Variants in P4HTM observed in about 807,000 individuals in gnomAD.
P4HTM encodes prolyl 4-hydroxylase, transmembrane.
In P4HTM, 33 loss-of-function variants were observed where a neutral mutation model predicts 55.3. The observed-to-expected ratio is 0.60, with a 90% CI of 0.45 to 0.80. The LOEUF (loss-of-function observed/expected upper bound fraction) is 0.80, where lower values mean the gene tolerates loss of function less well. Among genes scored for constraint, P4HTM ranks in the 30% least tolerant of loss-of-function variants. P4HTM has a pLI of 0.00. For missense variants in P4HTM, 542 were observed against 696.5 expected (o/e 0.78, Z 2.50); for synonymous variants, 272 against 286.4 (o/e 0.95, Z 0.51).
chr3:48,998,191 C>T (rs1337426286), intron 2 of P4HTM: 2 of 152,266 alleles, frequency 1.3e-5, no homozygotes, highest in African/African-American at 4.8e-5. Flanking sequence ...CATGGGCGGT[C>T]CAGGCGGGAG....
In P4HTM at chr3:49,006,188, G is replaced by A; in HGVS notation, c.1288+1G>A. The A allele has an allele frequency of 6.2e-7, 1 of 1,611,622 alleles. No homozygotes were observed. The highest frequency in any genetic ancestry group is 8.5e-7 in the Non-Finnish European group (1 of 1,179,128). ...TACAACTACCTGCCTGATGGGCAAG[G>A]TGAGGGCCTATGGCCAGGCCTGGGG... On this transcript the variant is annotated splice_donor_variant, in intron 8 of 8. Coordinates refer to ENST00000383729, the MANE Select transcript of P4HTM (RefSeq NM_177939.3). LOFTEE classifies it high-confidence loss of function.
intron 2 of P4HTM, 122 bp from the exon 3 acceptor site, chr3:49,001,316 C>A: frequency 1.2e-6 from 1 of 836,780 alleles, no homozygotes; most frequent in Non-Finnish European, 2.0e-6. Context: ...AATCCTCCAT[C>A]CTCCAGACCT....
At position 49,002,737 on chromosome 3, in the gene P4HTM, G is replaced by A. The variant is rs1403484173; in HGVS notation, c.724+141G>A. 3 of 734,276 alleles carry A rather than the reference G, an allele frequency of 4.1e-6. No individual in the cohort carries two copies. Among genetic ancestry groups the A allele is most frequent in the East Asian group, 2.7e-5 (1 of 37,712 alleles). 45.5% of individuals were successfully genotyped at this position (734,276 alleles called of 1,614,324 possible). ...TTATAGTGGCCAGAGATGGGGAGGT[G>A]AAGATCCAGCCTTGCTTTTTACCCC... is the stretch of plus-strand genomic sequence containing the variant. On this transcript the variant is annotated intron_variant, in intron 4 of 8. Transcript: ENST00000383729. This position sits in a 1 kb window ranked among gnomAD's most constrained non-coding sequence, Gnocchi z 4.4.
chr3:48,993,558 T>C (rs1250108393), intron 2 of P4HTM, among the ~76,000 whole-genome samples: 1 of 151,560 alleles, frequency 6.6e-6, no homozygotes, highest in African/African-American at 2.4e-5. Flanking sequence ...AATAAACAGC[T>C]TGTCCTATAA....
intron 4 of P4HTM, 102 bp from the exon 5 acceptor site, chr3:49,003,996 C>G: frequency 8.4e-7 from 1 of 1,187,488 alleles, no homozygotes; most frequent in Non-Finnish European, 1.2e-6. Context: ...TGCCTGAGGT[C>G]AGGGGCTGCT....
rs7624225 is a variant in P4HTM, at chr3:49,006,108, C to T, written c.1209C>T (p.His403=). 1 of 1,613,090 alleles carries T rather than the reference C, an allele frequency of 6.2e-7. No homozygotes were observed. The change falls in exon 8 of 9, where the codon CAC becomes CAT. Residue 403 remains histidine, a synonymous_variant. Transcript: ENST00000383729. ...DDVDLRDTRR[H]CDKGNLRVKP... ...TGGACCTCCGTGACACACGGAGGCA[C>T]TGTGACAAGGGAAACCTGCGTGTCA...
chr3:48,990,117 C>T (rs1486175653), upstream of P4HTM: 2 of 806,474 alleles, frequency 2.5e-6, no homozygotes, highest in East Asian at 9.1e-5. The surrounding 1 kb of genome is among the most constrained non-coding windows in gnomAD (Gnocchi z 7.2). Context: ...ACGCAGGCGG[C>T]TCCGGGCGGG....
intron 2 of P4HTM, chr3:48,997,778 G>A (rs6446205): frequency 0.67 from 101,977 of 152,166 alleles, 34,736 homozygotes; most frequent in East Asian, 0.96. Context: ...CATAGCATTT[G>A]GATATTCCCT....
rs772122473 is a variant in P4HTM at position 49,006,196 on chromosome 3, C to T, written c.1288+9C>T. The T allele has an allele frequency of 3.8e-5, 61 of 1,609,290 alleles. No homozygotes were observed. The highest frequency in any genetic ancestry group is 5.3e-5 in the African/African-American group (4 of 74,884). On this transcript the variant is annotated intron_variant, in intron 8 of 8. Coordinates refer to ENST00000383729, the MANE Select transcript of P4HTM (RefSeq NM_177939.3). ...CCTGCCTGATGGGCAAGGTGAGGGC[C>T]TATGGCCAGGCCTGGGGGGGGTGCC... is the stretch of plus-strand genomic sequence containing the variant.
intron 2 of P4HTM, among the ~76,000 whole-genome samples, chr3:48,992,663 T>TTTTTTC (rs1491168715): frequency 2.0e-4 from 1 of 4,900 alleles, no homozygotes; most frequent in African/African-American, 6.6e-3. Context: ...ATTAGAACTC[T>TTTTTTC]TTTTTTTTTT....
intron 2 of P4HTM, among the ~76,000 whole-genome samples, chr3:48,994,760 A>G (rs2092940583): frequency 6.6e-6 from 1 of 151,998 alleles, no homozygotes; most frequent in Admixed American, 6.6e-5. Context: ...GTCATAGCAG[A>G]TCAGATCTCA....
In P4HTM at chr3:49,002,604, C is replaced by T; in HGVS notation, c.724+8C>T. ...CTGACCCTGATGGTGACGGTGAGCTCACACCTCTGCACAGTCCTATCCCCG... is the reference window on the plus strand; with the variant it reads ...CTGACCCTGATGGTGACGGTGAGCTTACACCTCTGCACAGTCCTATCCCCG... On this transcript the variant is annotated splice_region_variant and intron_variant, in intron 4 of 8. Transcript: ENST00000383729. This position sits in a 1 kb window ranked among gnomAD's most constrained non-coding sequence, Gnocchi z 4.4. The T allele has an allele frequency of 6.3e-7, 1 of 1,593,608 alleles. No individual in the cohort carries two copies. Among genetic ancestry groups the T allele is most frequent in the Non-Finnish European group, 8.6e-7 (1 of 1,161,298 alleles).
chr3:48,997,195 G>A (rs1041825948), intron 2 of P4HTM: 1 of 152,240 alleles, frequency 6.6e-6, no homozygotes, highest in Non-Finnish European at 1.5e-5. Flanking sequence ...AAAGTCCCAG[G>A]CTCTCCCTGG....
intron 2 of P4HTM, among the ~76,000 whole-genome samples, chr3:49,000,409 G>C (rs1040037792): frequency 1.3e-5 from 2 of 152,122 alleles, no homozygotes; most frequent in African/African-American, 4.8e-5. Context: ...AATAAAAAAA[G>C]CTCCAACCCT....
At chr3:48,992,792 A>G (rs2092934602) in intron 2 of P4HTM, among the ~76,000 whole-genome samples, 1 of 150,124 alleles carries the variant, frequency 6.7e-6, no homozygotes, top group South Asian at 2.1e-4. Context: ...CAGCCTCCCA[A>G]GTAGCTGGGA....
At chr3:48,993,923 T>C (rs1337372980) in intron 2 of P4HTM, among the ~76,000 whole-genome samples, 1 of 142,700 alleles carries the variant, frequency 7.0e-6, no homozygotes, top group African/African-American at 2.6e-5. Context: ...CAAGGGCAAA[T>C]TATGAAAAGC....
Position 49,005,027 on chromosome 3 carries a change from C to T in P4HTM, c.1054C>T (p.Pro352Ser), listed in dbSNP as rs1178126850. 1 of 1,614,084 alleles carries T rather than the reference C, an allele frequency of 6.2e-7. No homozygotes were observed. The change falls in exon 6 of 9, where the codon CCC becomes TCC. Residue 352 changes from proline to serine, a missense_variant. This residue lies in a region of P4HTM where 536 missense variants were observed against 672.1 expected (regional missense o/e 0.80). Coordinates refer to ENST00000383729, the MANE Select transcript of P4HTM (RefSeq NM_177939.3). ...HTKLVANESV[P>S]FETSCRYMTV... ...CAAGCTGGTAGCCAACGAGTCTGTA[C>T]CCTTCGAGACCTCCTGCCGGCAAGT... is the stretch of plus-strand genomic sequence containing the variant.
chr3:49,006,862 G>A lies in P4HTM; in HGVS notation c.1464G>A (p.Glu488=). Residue 488 remains glutamate (E), a synonymous_variant, in exon 9 of 9, where the codon GAG becomes GAA. Transcript: ENST00000383729. The part of the protein sequence containing the change: ...AREGGTDSQP[E]WALDRAYRDA... Reference sequence around the variant, plus strand: ...AAGGGGGCACCGACTCACAGCCCGAGTGGGCTCTGGACCGGGCCTACCGCG... The same window carrying A: ...AAGGGGGCACCGACTCACAGCCCGAATGGGCTCTGGACCGGGCCTACCGCG... The A allele has an allele frequency of 6.2e-7, 1 of 1,613,082 alleles. No individual in the cohort carries two copies. Among genetic ancestry groups the A allele is most frequent in the African/African-American group, 1.3e-5 (1 of 75,078 alleles).
chr3:49,003,980 C>T (rs2092969076), intron 4 of P4HTM, 118 bp from the exon 5 acceptor site: 4 of 963,864 alleles, frequency 4.1e-6, no homozygotes, highest in Non-Finnish European at 4.6e-6. Context: ...GTACAAGGCC[C>T]CTCAGTGCCT....
Sources: allele counts gnomAD v4.1 joint callset (sites outside exome capture counted in the v4.1 genomes callset), GRCh38; gene constraint gnomAD v4.1.1; regional missense constraint gnomAD v4.1.1; non-coding constraint Gnocchi (gnomAD v3.1); transcripts MANE v1.5; gene names NCBI Gene and HGNC (gene_info 2026-07-23, HGNC 2026-07-21).